The following JAZF1 variants were observed in gnomAD, a reference collection of about 807,000 sequenced individuals.
The protein encoded by JAZF1 is JAZF zinc finger 1.
Under a neutral mutation model 26.4 loss-of-function variants are expected in JAZF1, and 8 were observed. The ratio of observed to expected loss-of-function variants is 0.30; its 90% CI spans 0.18 to 0.55. JAZF1 has a LOEUF of 0.55. Ranked by LOEUF, JAZF1 falls within the 20% of genes least tolerant of loss-of-function variation. The probability of loss-of-function intolerance (pLI) is 0.94; values close to 1 mark genes in which losing one functional copy is unlikely to be tolerated. For synonymous variants in JAZF1, 126 were observed against 122.3 expected (o/e 1.03, Z -0.20); for missense variants, 199 against 322.0 (o/e 0.62, Z 2.92).
At chr7:28,014,213 T>C (rs1782844747) in intron 1 of JAZF1, among the ~76,000 whole-genome samples, 1 of 152,220 alleles carries the variant, frequency 6.6e-6, no homozygotes, top group Non-Finnish European at 1.5e-5. Context: ...AATAGGAAAA[T>C]GCCAATTGCA....
chr7:27,984,388 C>A (rs1185108192), intron 2 of JAZF1, among the ~76,000 whole-genome samples: 6 of 152,174 alleles, frequency 3.9e-5, no homozygotes, highest in Non-Finnish European at 5.9e-5. Flanking sequence ...GGGATCAATT[C>A]AACAAGAAGA....
chr7:28,076,397 C>A (rs1337536854), intron 1 of JAZF1, among the ~76,000 whole-genome samples: 3 of 152,100 alleles, frequency 2.0e-5, no homozygotes, highest in African/African-American at 7.2e-5. Context: ...AAAACATATA[C>A]CACCCATACA....
intron 3 of JAZF1, among the ~76,000 whole-genome samples, chr7:27,854,588 T>C (rs1328624572): frequency 6.6e-6 from 1 of 152,236 alleles, no homozygotes; most frequent in African/African-American, 2.4e-5. Context: ...TCTCAGCATT[T>C]GCTTCTCTGT....
At chr7:28,066,087 T>A (rs1161967044) in intron 1 of JAZF1, among the ~76,000 whole-genome samples, 1 of 152,196 alleles carries the variant, frequency 6.6e-6, no homozygotes, top group Non-Finnish European at 1.5e-5. Context: ...AATTTAGGAA[T>A]GCTAAGGAAA....
intron 1 of JAZF1, among the ~76,000 whole-genome samples, chr7:27,992,511 A>C (rs2128365570): frequency 6.6e-6 from 1 of 152,280 alleles, no homozygotes; most frequent in Non-Finnish European, 1.5e-5. Flanking sequence ...CTAGACTCTC[A>C]ATCAGAAATT....
In JAZF1 at chr7:27,981,397, C is replaced by T. The variant is rs144666809; in HGVS notation, c.188+10512G>A. 2.6e-4 allele frequency among the ~76,000 whole-genome samples: 40 copies of T among 152,164 alleles called. No homozygotes were observed. The East Asian group carries it at 6.2e-3, about 23-fold the overall frequency. Reference sequence around the variant, plus strand: ...TTGTCAATAAAAGGGACTGTGATTCCCTGAATTGGGATGCTAGACTAGACT... The same window carrying T: ...TTGTCAATAAAAGGGACTGTGATTCTCTGAATTGGGATGCTAGACTAGACT... On this transcript the variant is annotated intron_variant, in intron 2 of 4. Coordinates refer to ENST00000283928, the MANE Select transcript of JAZF1 (RefSeq NM_175061.4).
chr7:27,880,523 C>T (rs1783750958), intron 3 of JAZF1, among the ~76,000 whole-genome samples: 2 of 151,978 alleles, frequency 1.3e-5, no homozygotes, highest in Non-Finnish European at 2.9e-5. Flanking sequence ...ATCCCAGCTA[C>T]TCGGGAGGCT....
intron 2 of JAZF1, among the ~76,000 whole-genome samples, chr7:27,960,358 C>CTACG (rs1785167292): frequency 6.6e-6 from 1 of 152,224 alleles, no homozygotes; most frequent in African/African-American, 2.4e-5. Context: ...GCCAAGGGCA[C>CTACG]TACGTTTATC....
intron 3 of JAZF1, among the ~76,000 whole-genome samples, chr7:27,874,239 A>G (rs1483202159): frequency 1.3e-5 from 2 of 152,228 alleles, no homozygotes; most frequent in Non-Finnish European, 2.9e-5. Context: ...ATGTGGCTGA[A>G]GGAGCTGAGG....
chr7:28,094,634 A>G (rs1002173376), intron 1 of JAZF1, among the ~76,000 whole-genome samples: 2 of 152,308 alleles, frequency 1.3e-5, no homozygotes, highest in Middle Eastern at 3.4e-3. Context: ...CCCAGTAGGC[A>G]CCCAGCACTT....
intron 1 of JAZF1, among the ~76,000 whole-genome samples, chr7:28,133,180 T>C (rs892302106): frequency 6.6e-6 from 1 of 152,266 alleles, no homozygotes; most frequent in Non-Finnish European, 1.5e-5. Context: ...TGCAAATGAC[T>C]TGATAAGTGG....
At chr7:27,912,699 T>C (rs950929218) in intron 2 of JAZF1, among the ~76,000 whole-genome samples, 1 of 152,140 alleles carries the variant, frequency 6.6e-6, no homozygotes, top group Non-Finnish European at 1.5e-5. Context: ...TTCCCCCCTA[T>C]ATAATTTACA....
At chr7:28,178,412 C>T (rs1783579582) in intron 1 of JAZF1, among the ~76,000 whole-genome samples, 1 of 152,136 alleles carries the variant, frequency 6.6e-6, no homozygotes, top group Non-Finnish European at 1.5e-5. Flanking sequence ...AATTATTACT[C>T]AGCTTATATA....
intron 1 of JAZF1, among the ~76,000 whole-genome samples, chr7:28,156,112 A>G (rs1294108938): frequency 6.6e-6 from 1 of 152,216 alleles, no homozygotes; most frequent in Non-Finnish European, 1.5e-5. Context: ...GCAACAACAT[A>G]CTTAAACACC....
At chr7:27,953,288 T>A (rs77560388) in intron 2 of JAZF1, among the ~76,000 whole-genome samples, 4,821 of 152,330 alleles carry the variant, frequency 0.032, 260 homozygotes, top group African/African-American at 0.11. Context: ...AGGGGTAGGC[T>A]TTTTGTTAAC....
intron 1 of JAZF1, among the ~76,000 whole-genome samples, chr7:28,049,769 AG>A (rs1380653348): frequency 6.6e-6 from 1 of 152,218 alleles, no homozygotes; most frequent in Non-Finnish European, 1.5e-5. Flanking sequence ...GATACAACTC[AG>A]GAACAGCCAA....
At chr7:28,173,563 C>T (rs1783505891) in intron 1 of JAZF1, among the ~76,000 whole-genome samples, 2 of 151,436 alleles carry the variant, frequency 1.3e-5, no homozygotes, top group African/African-American at 2.4e-5. Flanking sequence ...TCTATAATAC[C>T]AAAGAAATGG....
chr7:27,842,597 G>A (rs1455437908), intron 3 of JAZF1: 1 of 152,172 alleles, frequency 6.6e-6, no homozygotes, highest in Non-Finnish European at 1.5e-5. Flanking sequence ...AATAAAGAGA[G>A]CCGGTTTGGA....
At chr7:27,967,520 A>C (rs889066374) in intron 2 of JAZF1, among the ~76,000 whole-genome samples, 1 of 152,218 alleles carries the variant, frequency 6.6e-6, no homozygotes, top group African/African-American at 2.4e-5. Context: ...CAGATCAATC[A>C]GGGTCATTAA....
Sources: allele counts gnomAD v4.1 joint callset (sites outside exome capture counted in the v4.1 genomes callset), GRCh38; gene constraint gnomAD v4.1.1; transcripts MANE v1.5; gene names NCBI Gene and HGNC (gene_info 2026-07-23, HGNC 2026-07-21).